The following MBP variants were observed in gnomAD, a reference collection of about 807,000 sequenced individuals.
MBP encodes Golli-MBP.
Under a neutral mutation model 35.8 loss-of-function variants are expected in MBP, and 16 were observed. The ratio of observed to expected loss-of-function variants is 0.45; its 90% CI spans 0.30 to 0.68. The LOEUF (loss-of-function observed/expected upper bound fraction) is 0.68, where lower values mean the gene tolerates loss of function less well. Ranked by LOEUF, MBP falls within the 30% of genes least tolerant of loss-of-function variation. MBP has a pLI of 0.08. For synonymous variants in MBP, 143 were observed against 159.6 expected, an observed-to-expected ratio of 0.90 and a Z score of 0.78; for missense variants, 380 against 404.7, an observed-to-expected ratio of 0.94 and a Z score of 0.52.
chr18:77,071,299 C>T (rs2144842836), intron 2 of MBP, among the ~76,000 whole-genome samples: 1 of 152,306 alleles, frequency 6.6e-6, no homozygotes, highest in South Asian at 2.1e-4. Flanking sequence ...TCATGGTCCA[C>T]CACAGGCTGC....
intron 2 of MBP, among the ~76,000 whole-genome samples, chr18:77,093,637 C>T (rs1229631005): frequency 6.6e-6 from 1 of 152,182 alleles, no homozygotes; most frequent in Non-Finnish European, 1.5e-5. Flanking sequence ...CCTCCAGAAG[C>T]AAAACATTAC....
At position 77,101,272 on chromosome 18, in the gene MBP, T is replaced by C. The variant is rs981918628; in HGVS notation, c.51+3939A>G. Among the ~76,000 whole-genome samples, 13 of 152,262 alleles carry C rather than the reference T, an allele frequency of 8.5e-5. No homozygotes were observed. Among genetic ancestry groups the C allele is most frequent in the Non-Finnish European group, 1.8e-4 (12 of 68,044 alleles). On this transcript the variant is annotated intron_variant, in intron 2 of 8. Transcript: ENST00000355994. The surrounding 1 kb of genome is among the most constrained non-coding windows in gnomAD (Gnocchi z 4.3). ...TTCCTTCTTGGGTTCTGCCAAGTTC[T>C]GTAGTAAGATGGAGAACCAAATACA...
chr18:77,099,880 G>A (rs991823273), intron 2 of MBP, among the ~76,000 whole-genome samples: 1 of 152,230 alleles, frequency 6.6e-6, no homozygotes, highest in South Asian at 2.1e-4. Context: ...AGGGAAACCA[G>A]GTCTGCTGTC....
chr18:77,105,682 G>C (rs1976251504), intron 1 of MBP, among the ~76,000 whole-genome samples: 1 of 152,202 alleles, frequency 6.6e-6, no homozygotes, highest in Non-Finnish European at 1.5e-5. Context: ...GATGAGCTGA[G>C]ATGTCAGAAA....
In MBP at chr18:76,987,912, G is replaced by A; in HGVS notation, c.750+583C>T. 3 of 1,115,564 alleles carry A rather than the reference G, an allele frequency of 2.7e-6. No individual in the cohort carries two copies. In the South Asian group the frequency reaches 6.7e-5, roughly 25 times the overall value. The allele number at this position is 1,115,564 out of a possible 1,614,324, so 69.1% of individuals were successfully genotyped here. On this transcript the variant is annotated intron_variant, in intron 7 of 8. Transcript: ENST00000355994. ...GAAAGTTTGCTTTCAGTATTAACCA[G>A]CCTAAAATTCCTAAGGAAGATTTTC...
chr18:77,051,591 C>A (rs868212343), intron 3 of MBP, among the ~76,000 whole-genome samples: 2 of 152,144 alleles, frequency 1.3e-5, no homozygotes, highest in African/African-American at 4.8e-5. Flanking sequence ...CTGAAGGACC[C>A]GATTTTCACT....
Position 77,008,828 on chromosome 18 carries a change from G to A in MBP, c.576+8004C>T, listed in dbSNP as rs144438827. Among the ~76,000 whole-genome samples, 348 of 152,304 alleles carry A rather than the reference G, an allele frequency of 2.3e-3. 2 individuals are homozygous for A. The highest frequency in any genetic ancestry group is 7.8e-3 in the African/African-American group (324 of 41,556). The stretch of plus-strand genomic sequence containing the variant: ...TGTCTGACATGCAGCCACACCTGGC[G>A]GACGCTTCCCCTTCAGGGCCTCCAA... On this transcript the variant is annotated intron_variant, in intron 4 of 8. Coordinates refer to ENST00000355994, the MANE Select transcript of MBP (RefSeq NM_001025101.2).
At chr18:77,065,290 G>A (rs1040773255) in intron 3 of MBP, among the ~76,000 whole-genome samples, 2 of 152,086 alleles carry the variant, frequency 1.3e-5, no homozygotes, top group East Asian at 1.9e-4. Context: ...GTGGTGGGTG[G>A]CATCGCATGG....
chr18:77,007,841 C>A (rs1325228726), intron 4 of MBP, among the ~76,000 whole-genome samples: 1 of 152,192 alleles, frequency 6.6e-6, no homozygotes, highest in Non-Finnish European at 1.5e-5. Context: ...ATTTACTTAT[C>A]TTTGGCCAGG....
At chr18:77,100,101 C>T (rs1331625726) in intron 2 of MBP, among the ~76,000 whole-genome samples, 1 of 152,184 alleles carries the variant, frequency 6.6e-6, no homozygotes, top group Non-Finnish European at 1.5e-5. Flanking sequence ...CTCACTGCCT[C>T]ACAACGTGAC....
chr18:77,126,973 C>T (rs557407398), intron 1 of MBP, among the ~76,000 whole-genome samples: 3 of 152,326 alleles, frequency 2.0e-5, no homozygotes, highest in African/African-American at 4.8e-5. Context: ...CTAATCTATA[C>T]ATTTGAAGAA....
chr18:77,123,005 A>C (rs1483423309), intron 1 of MBP, among the ~76,000 whole-genome samples: 1 of 152,216 alleles, frequency 6.6e-6, no homozygotes, highest in Non-Finnish European at 1.5e-5. Flanking sequence ...ATTACTTGGG[A>C]ACTTCTAAGC....
At chr18:77,066,701 C>T (rs1221121186) in intron 2 of MBP, 2 of 566,870 alleles carry the variant, frequency 3.5e-6, no homozygotes, top group Non-Finnish European at 6.8e-6. Flanking sequence ...AGGGTGAGCC[C>T]ACATAGTTAC....
At chr18:77,012,478 G>A (rs967656854) in intron 4 of MBP, among the ~76,000 whole-genome samples, 2 of 152,232 alleles carry the variant, frequency 1.3e-5, no homozygotes, top group Admixed American at 6.5e-5. Flanking sequence ...CCAGAACACC[G>A]AACTGTCAGG....
At chr18:77,014,647 C>T (rs1228239314) in intron 4 of MBP, 25 of 985,280 alleles carry the variant, frequency 2.5e-5, no homozygotes, top group Non-Finnish European at 3.0e-5. Flanking sequence ...AGGGCCATTG[C>T]GGGTCTGTAG....
At chr18:77,086,542 G>A (rs1247269666) in intron 2 of MBP, among the ~76,000 whole-genome samples, 1 of 152,190 alleles carries the variant, frequency 6.6e-6, no homozygotes, top group Non-Finnish European at 1.5e-5. Flanking sequence ...TCTCTATGGA[G>A]CATTCAACTC....
At chr18:77,127,077 A>T (rs1435513108) in intron 1 of MBP, among the ~76,000 whole-genome samples, 1 of 152,256 alleles carries the variant, frequency 6.6e-6, no homozygotes, top group African/African-American at 2.4e-5. Context: ...TAGCTAACAT[A>T]AGTTTTATAA....
Position 76,988,928 on chromosome 18 carries a change from G to T in MBP, c.682-16C>A, listed in dbSNP as rs1490342907. The T allele has an allele frequency of 6.2e-7, 1 of 1,613,814 alleles. No individual in the cohort carries two copies. Among genetic ancestry groups the T allele is most frequent in the East Asian group, 2.2e-5 (1 of 44,884 alleles). ...GAGGCGTCACCTGGAAAGACACAGA[G>T]AACCGTGGGCTGCACTGGGAGCCCT... On this transcript the variant is annotated splice_polypyrimidine_tract_variant and intron_variant, in intron 5 of 8. Coordinates refer to ENST00000355994, the MANE Select transcript of MBP (RefSeq NM_001025101.2). This position sits in a 1 kb window ranked among gnomAD's most constrained non-coding sequence, Gnocchi z 5.2.
At chr18:77,110,905 G>A (rs1023196411) in intron 1 of MBP, among the ~76,000 whole-genome samples, 2 of 152,126 alleles carry the variant, frequency 1.3e-5, no homozygotes, top group Non-Finnish European at 2.9e-5. Context: ...AGAATTTGAA[G>A]AGCCCACCAT....
Sources: gnomAD v4.1 joint callset for allele counts (sites outside exome capture counted in the v4.1 genomes callset) on GRCh38, gnomAD v4.1.1 for gene constraint, Gnocchi (gnomAD v3.1) non-coding constraint, MANE v1.5 for transcripts, NCBI Gene and HGNC (gene_info 2026-07-23, HGNC 2026-07-21) for gene names.